The following GNAO1 variants were observed in gnomAD, a reference collection of about 807,000 sequenced individuals.
GNAO1 encodes G protein subunit alpha o1.
For missense variants in GNAO1, 166 were observed against 478.7 expected, an observed-to-expected ratio of 0.35 and a Z score of 6.10; for synonymous variants, 164 against 180.7, an observed-to-expected ratio of 0.91 and a Z score of 0.74.
intron 2 of GNAO1, among the ~76,000 whole-genome samples, chr16:56,275,697 T>C (rs967816390): frequency 1.3e-5 from 2 of 152,266 alleles, no homozygotes; most frequent in African/African-American, 4.8e-5. Context: ...GACGGATTTT[T>C]CTTTCATTAT....
At chr16:56,215,235 C>T (rs2036427525) in intron 2 of GNAO1, among the ~76,000 whole-genome samples, 1 of 152,228 alleles carries the variant, frequency 6.6e-6, no homozygotes, top group Non-Finnish European at 1.5e-5. Flanking sequence ...AATTCTTTTA[C>T]ACAGGATGTC....
intron 3 of GNAO1, among the ~76,000 whole-genome samples, chr16:56,325,237 G>A (rs1262612420): frequency 2.0e-5 from 3 of 152,256 alleles, no homozygotes; most frequent in African/African-American, 7.2e-5. Flanking sequence ...AACACTTTGG[G>A]AGGCCAAGGC....
chr16:56,262,748 T>C (rs2036915490), intron 2 of GNAO1, among the ~76,000 whole-genome samples: 1 of 152,188 alleles, frequency 6.6e-6, no homozygotes, highest in African/African-American at 2.4e-5. Flanking sequence ...CAGCTGCCCT[T>C]ATCAGGCAGA....
intron 5 of GNAO1, chr16:56,336,504 G>C (rs1278168403): frequency 6.1e-6 from 3 of 493,772 alleles, no homozygotes; most frequent in African/African-American, 5.8e-5. Flanking sequence ...GTCATGATCT[G>C]TGAGCACAGC....
chr16:56,345,825 C>T (rs1377574298), intron 6 of GNAO1: 8 of 985,438 alleles, frequency 8.1e-6, no homozygotes, highest in African/African-American at 5.2e-5. Context: ...TACTCTGCTC[C>T]GAACTGTAAC....
chr16:56,328,405 T>G (rs529426287), intron 3 of GNAO1, among the ~76,000 whole-genome samples: 2 of 152,220 alleles, frequency 1.3e-5, no homozygotes, highest in African/African-American at 4.8e-5. Context: ...AGCTTGGAGC[T>G]CCTGCTTTAG....
chr16:56,268,164 T>C (rs1378900991), intron 2 of GNAO1, among the ~76,000 whole-genome samples: 1 of 152,168 alleles, frequency 6.6e-6, no homozygotes, highest in African/African-American at 2.4e-5. Flanking sequence ...ATCTGGAAAA[T>C]GACTATTTCT....
chr16:56,214,064 T>A (rs11646340), intron 2 of GNAO1, among the ~76,000 whole-genome samples: 10,659 of 152,144 alleles, frequency 0.07, 408 homozygotes, highest in South Asian at 0.092. Flanking sequence ...GAAGGATCCC[T>A]TCCATGAATG....
rs145994938 is a variant in GNAO1, at chr16:56,296,959, GT to G, written c.303+20888del. Among the ~76,000 whole-genome samples, 947 of 152,140 alleles carry G rather than the reference GT, an allele frequency of 6.2e-3. 4 individuals are homozygous for G. Among genetic ancestry groups the G allele is most frequent in the African/African-American group, 0.015 (615 of 41,490 alleles). On this transcript the variant is annotated intron_variant, in intron 3 of 8. Coordinates refer to ENST00000262493, the MANE Select transcript of GNAO1 (RefSeq NM_020988.3). Reference sequence around the variant, plus strand: ...AGATGGTGGGGCCCCACTTCAAAGCGTCTCCCTCATGCCTAAAATCTCCCAG... The same window carrying G: ...AGATGGTGGGGCCCCACTTCAAAGCGCTCCCTCATGCCTAAAATCTCCCAG...
At chr16:56,195,156 A>C (rs76205649) in intron 2 of GNAO1, among the ~76,000 whole-genome samples, 4 of 148,130 alleles carry the variant, frequency 2.7e-5, no homozygotes, top group Non-Finnish European at 5.9e-5. Context: ...TAGGTAAAAC[A>C]ATTTTTTTTT....
At position 56,351,581 on chromosome 16, in the gene GNAO1, CAG is replaced by C. The variant is rs769937214; in HGVS notation, c.877+45_877+46del. On this transcript the variant is annotated intron_variant, in intron 7 of 8. Coordinates refer to ENST00000262493, the MANE Select transcript of GNAO1 (RefSeq NM_020988.3). This position sits in a 1 kb window ranked among gnomAD's most constrained non-coding sequence, Gnocchi z 6.1. ...TGTGCAGGGGGAAGCCTGCCCCTGACAGGGACCCATGGCTCAGAGAACAGGCT... is the reference window on the plus strand; with the variant it reads ...TGTGCAGGGGGAAGCCTGCCCCTGACGGACCCATGGCTCAGAGAACAGGCT... The C allele has an allele frequency of 1.3e-6, 2 of 1,527,184 alleles. No individual in the cohort carries two copies. The highest frequency in any genetic ancestry group is 1.7e-5 in the Admixed American group (1 of 59,436). The allele number at this position is 1,527,184 out of a possible 1,614,324, so 94.6% of individuals were successfully genotyped here.
intron 3 of GNAO1, among the ~76,000 whole-genome samples, chr16:56,310,048 A>T (rs1194844258): frequency 7.8e-6 from 1 of 127,868 alleles, no homozygotes. Context: ...GCAGTGGCTT[A>T]TACCTATAAT....
chr16:56,341,278 C>T lies in GNAO1; in HGVS notation c.723+4418C>T, dbSNP rs143158199. 4.2e-3 allele frequency among the ~76,000 whole-genome samples: 635 copies of T among 152,302 alleles called. 7 individuals are homozygous for T. Among genetic ancestry groups the T allele is most frequent in the African/African-American group, 0.015 (623 of 41,566 alleles). ...GTCTGCGCACAGGGGCTCTCTGTGA[C>T]GAGACGAGCAAACGCCGAGAAGATG... On this transcript the variant is annotated intron_variant, in intron 6 of 8. Coordinates refer to ENST00000262493, the MANE Select transcript of GNAO1 (RefSeq NM_020988.3).
chr16:56,295,324 C>T (rs1472961582), intron 3 of GNAO1, among the ~76,000 whole-genome samples: 2 of 152,120 alleles, frequency 1.3e-5, no homozygotes, highest in African/African-American at 4.8e-5. Context: ...AGGTCCTTCT[C>T]GTCTGTTCTC....
intron 2 of GNAO1, among the ~76,000 whole-genome samples, chr16:56,232,947 G>T (rs1217186106): frequency 6.6e-6 from 1 of 152,132 alleles, no homozygotes; most frequent in African/African-American, 2.4e-5. Context: ...AATAAAACAT[G>T]CCCCTTACTC....
chr16:56,231,535 T>C (rs1373208214), intron 2 of GNAO1, among the ~76,000 whole-genome samples: 1 of 152,210 alleles, frequency 6.6e-6, no homozygotes, highest in Non-Finnish European at 1.5e-5. Flanking sequence ...CCTGGCATGT[T>C]CTCTGTGAGC....
intron 2 of GNAO1, chr16:56,194,402 T>C: frequency 2.6e-6 from 1 of 390,470 alleles, no homozygotes; most frequent in Non-Finnish European, 5.1e-6. Context: ...ACTTCAGAAG[T>C]CTGTAATCAG....
At chr16:56,226,581 A>G (rs1033924745) in intron 2 of GNAO1, 1 of 152,370 alleles carries the variant, frequency 6.6e-6, no homozygotes, top group African/African-American at 2.4e-5. Context: ...GGTAGGAAAG[A>G]CTAGAGGTGG....
At chr16:56,285,206 C>G (rs896993352) in intron 3 of GNAO1, among the ~76,000 whole-genome samples, 3 of 152,208 alleles carry the variant, frequency 2.0e-5, no homozygotes, top group Non-Finnish European at 4.4e-5. Context: ...AGCGGTGATG[C>G]CTTGCGCTTG....
Sources: gnomAD v4.1 joint callset for allele counts (sites outside exome capture counted in the v4.1 genomes callset) on GRCh38, gnomAD v4.1.1 for gene constraint, Gnocchi (gnomAD v3.1) non-coding constraint, MANE v1.5 for transcripts, NCBI Gene and HGNC (gene_info 2026-07-23, HGNC 2026-07-21) for gene names.